PLA2G4F: variants seen among roughly 807,000 people sequenced by gnomAD.
PLA2G4F encodes phospholipase A2 group IVF.
In PLA2G4F, 105 loss-of-function variants were observed where a neutral mutation model predicts 103.1. The observed-to-expected ratio is 1.02, with a 90% CI of 0.87 to 1.20. The LOEUF is 1.20. PLA2G4F is among the 50% of genes most tolerant of loss of function. PLA2G4F has a pLI of 0.00. For missense variants in PLA2G4F, 1,155 were observed against 1,075.9 expected, an observed-to-expected ratio of 1.07 and a Z score of -1.03; for synonymous variants, 468 against 441.1, an observed-to-expected ratio of 1.06 and a Z score of -0.76.
chr15:42,155,640 C>G (rs1208618139), intron 1 of PLA2G4F, 51 bp from the exon 2 acceptor site: 2 of 1,564,802 alleles, frequency 1.3e-6, no homozygotes, highest in African/African-American at 2.7e-5. Context: ...AGCCTGGTCC[C>G]TCGCCCCATT....
At chr15:42,143,419 A>C (rs8028349) in intron 18 of PLA2G4F, among the ~76,000 whole-genome samples, 8,098 of 152,198 alleles carry the variant, frequency 0.053, 538 homozygotes, top group African/African-American at 0.15. Context: ...AAGAGGCTTC[A>C]TCAATCCCCA....
At chr15:42,151,434 A>T in intron 7 of PLA2G4F, 7 of 985,206 alleles carry the variant, frequency 7.1e-6, no homozygotes, top group Non-Finnish European at 8.4e-6. Context: ...CTTTCTGGGG[A>T]GGAGGCCAGA....
In PLA2G4F at chr15:42,144,463, G is replaced by C; in HGVS notation, c.1962C>G (p.Phe654Leu). 1 of 1,612,094 alleles carries C rather than the reference G, an allele frequency of 6.2e-7. No homozygotes were observed. The highest frequency in any genetic ancestry group is 8.5e-7 in the Non-Finnish European group (1 of 1,179,986). ...GGCAGCACCCACCTTTCCAGGCCAC[G>C]AACTCCCTGCCAGCCACATAGTCCT... ...LHKDYVAGRE[F>L]VAWKDTHPDA... is the part of the protein sequence containing the mutation. Residue 654 changes from phenylalanine (F) to leucine (L), a missense_variant, in exon 17 of 20, where the codon TTC becomes TTG. Coordinates refer to ENST00000397272, the MANE Select transcript of PLA2G4F (RefSeq NM_213600.4).
intron 4 of PLA2G4F, 121 bp downstream of exon 4, chr15:42,153,971 G>A (rs951501831): frequency 8.3e-6 from 12 of 1,452,980 alleles, no homozygotes; most frequent in African/African-American, 7.1e-5. Context: ...TCAGGGCTGC[G>A]GGGTGGAGGA....
chr15:42,153,212 C>T (rs929915576), intron 6 of PLA2G4F, 88 bp downstream of exon 6: 2 of 1,438,494 alleles, frequency 1.4e-6, no homozygotes, highest in African/African-American at 2.9e-5. Context: ...GGGTGTCCTT[C>T]AGAGGCAACT....
In PLA2G4F at chr15:42,154,335, T is replaced by C; in HGVS notation, c.308A>G (p.His103Arg). 1.2e-6 allele frequency: 2 copies of C among 1,609,272 alleles called. No individual in the cohort carries two copies. The highest frequency in any genetic ancestry group is 2.2e-5 in the East Asian group (1 of 44,740). The change falls in exon 3 of 20, where the codon CAT becomes CGT. Residue 103 changes from histidine (H) to arginine (R), a missense_variant. His to Arg is a conservative substitution (Grantham distance 29). Coordinates refer to ENST00000397272, the MANE Select transcript of PLA2G4F (RefSeq NM_213600.4). ...EWNETFHYQI[H>R]GAVKNVLELT... ...GCTGGCCCTCACCTTCACAGCACCA[T>C]GGATCTGGTAGTGGAAGGTCTCATT...
In PLA2G4F at chr15:42,147,730, A is replaced by AC; in HGVS notation, c.1091dup (p.Gly365TrpfsTer56). 1 of 1,612,012 alleles carries AC rather than the reference A, an allele frequency of 6.2e-7. No individual in the cohort carries two copies. Among genetic ancestry groups the AC allele is most frequent in the Non-Finnish European group, 8.5e-7 (1 of 1,179,430 alleles). On this transcript the variant is annotated frameshift_variant, in exon 12 of 20. Coordinates refer to ENST00000397272, the MANE Select transcript of PLA2G4F (RefSeq NM_213600.4). LOFTEE classifies it high-confidence loss of function. ...ACAGAGAAGACATGGCTCGGGTTCC[A>AC]CCCCCGGAACCCAACACAGCCACTA...
chr15:42,149,417 T>C, intron 11 of PLA2G4F: 1 of 885,938 alleles, frequency 1.1e-6, no homozygotes, highest in Non-Finnish European at 1.4e-6. Flanking sequence ...CCAACCCTGA[T>C]GATGACACCT....
Position 42,146,261 on chromosome 15 carries a change from G to A in PLA2G4F, c.1420-20C>T, listed in dbSNP as rs1379892603. On this transcript the variant is annotated intron_variant, in intron 13 of 19. Transcript: ENST00000397272. Reference sequence around the variant, plus strand: ...GTTCTCCTGGGCAGGAAAGAAGGGAGGCAGCTTGGCCTTTCAGGAGTTCCA... The same window carrying A: ...GTTCTCCTGGGCAGGAAAGAAGGGAAGCAGCTTGGCCTTTCAGGAGTTCCA... 5 of 1,610,038 alleles carry A rather than the reference G, an allele frequency of 3.1e-6. No individual in the cohort carries two copies. In the East Asian group the frequency reaches 1.1e-4, roughly 36 times the overall value.
In PLA2G4F at chr15:42,143,862, A is replaced by G. The variant is rs576451446; in HGVS notation, c.2142+116T>C. 1.6e-5 allele frequency: 21 copies of G among 1,343,954 alleles called. 1 individual carries two copies. The African/African-American group carries it at 2.6e-4, about 17-fold the overall frequency. 83.3% of individuals were successfully genotyped at this position (1,343,954 alleles called of 1,614,324 possible). A position where few individuals can be genotyped will look rare whatever the true frequency, so the allele number is the denominator to read the frequency against. On this transcript the variant is annotated intron_variant, in intron 18 of 19. Coordinates refer to ENST00000397272, the MANE Select transcript of PLA2G4F (RefSeq NM_213600.4). ...GAACCCAGGCCGTCCACAAAGGGCAATCCCCACACACCCAGCCAGTCCCCC... is the reference window on the plus strand; with the variant it reads ...GAACCCAGGCCGTCCACAAAGGGCAGTCCCCACACACCCAGCCAGTCCCCC...
At position 42,154,086 on chromosome 15, in the gene PLA2G4F, G is replaced by GCTCACCTGGTGGT; in HGVS notation, c.443_450+5dup. 6.2e-7 allele frequency: 1 copy of GCTCACCTGGTGGT among 1,614,162 alleles called. No homozygotes were observed. Among genetic ancestry groups the GCTCACCTGGTGGT allele is most frequent in the South Asian group, 1.1e-5 (1 of 91,068 alleles). ...CTGGGCTCTCCGCCAGCACTGGTGG[G>GCTCACCTGGTGGT]CTCACCTGGTGGTTGAGTGGGAAGG... is the stretch of plus-strand genomic sequence containing the variant. On this transcript the variant is annotated splice_donor_region_variant and intron_variant, in intron 4 of 19. Transcript: ENST00000397272.
At chr15:42,155,357 C>T (rs557173215) in intron 2 of PLA2G4F, among the ~76,000 whole-genome samples, 160 bp downstream of exon 2, 15 of 152,282 alleles carry the variant, frequency 9.9e-5, no homozygotes, top group Admixed American at 7.8e-4. Context: ...TGCACAGATG[C>T]CTACACGTAT....
At chr15:42,147,967 G>A in intron 11 of PLA2G4F, 1 of 318,168 alleles carries the variant, frequency 3.1e-6, no homozygotes, top group Non-Finnish European at 4.5e-6. Context: ...GAGGCGGGCG[G>A]ATCATGAGGT....
Position 42,147,123 on chromosome 15 carries a change from C to A in PLA2G4F, c.1419+1G>T. ...GTATTTCCTTCTGGCTCTTCTCTCA[C>A]CTCCTGGTACAGGAGATACTCAACA... On this transcript the variant is annotated splice_donor_variant, in intron 13 of 19. Transcript: ENST00000397272. LOFTEE classifies it high-confidence loss of function. 6.2e-7 allele frequency: 1 copy of A among 1,610,948 alleles called. No individual in the cohort carries two copies. Among genetic ancestry groups the A allele is most frequent in the South Asian group, 1.1e-5 (1 of 91,030 alleles).
At chr15:42,148,573 G>C in intron 11 of PLA2G4F, 1 of 953,274 alleles carries the variant, frequency 1.0e-6, no homozygotes, top group Non-Finnish European at 1.2e-6. Flanking sequence ...ACACATGGAT[G>C]AATGTCCCCA....
intron 19 of PLA2G4F, 120 bp from the exon 20 acceptor site, chr15:42,142,324 GC>G: frequency 8.5e-7 from 1 of 1,169,916 alleles, no homozygotes; most frequent in Non-Finnish European, 1.2e-6. Context: ...CCCTGCTTGG[GC>G]CACATCTCAG....
Position 42,141,427 on chromosome 15 carries a change from G to C in PLA2G4F, c.*557C>G. ...ACGAGGAGACCAGAAGGCAGAAGGA[G>C]GGTTAGGATGATGGAGTCAGCAACA... On this transcript the variant is annotated 3_prime_UTR_variant, in exon 20 of 20. Coordinates refer to ENST00000397272, the MANE Select transcript of PLA2G4F (RefSeq NM_213600.4). 2.2e-6 allele frequency: 1 copy of C among 451,950 alleles called. No homozygotes were observed. The allele number at this position is 451,950 out of a possible 1,614,324, so 28.0% of individuals were successfully genotyped here.
At chr15:42,148,566 C>T in intron 11 of PLA2G4F, 1 of 946,228 alleles carries the variant, frequency 1.1e-6, no homozygotes, top group Non-Finnish European at 1.3e-6. Flanking sequence ...GATCTCTACA[C>T]ATGGATGAAT....
chr15:42,144,540 G>C lies in PLA2G4F; in HGVS notation c.1885C>G (p.Arg629Gly), dbSNP rs765058508. ...SQAVLDIFTS[R>G]FTSAQSFNFT... ...TTAAAGCTCTGGGCGGAAGTGAAGC[G>C]GGAGGTGAATATGTCCAGCACAGCC... Residue 629 changes from arginine (R) to glycine (G), a missense_variant, in exon 17 of 20, where the codon CGC (arginine) becomes GGC (glycine). Physicochemically the swap from Arg to Gly is moderately radical, Grantham distance 125. Coordinates refer to ENST00000397272, the MANE Select transcript of PLA2G4F (RefSeq NM_213600.4). The C allele has an allele frequency of 3.7e-6, 6 of 1,612,770 alleles. No homozygotes were observed. Among genetic ancestry groups the C allele is most frequent in the Non-Finnish European group, 5.1e-6 (6 of 1,180,026 alleles).
Sources: gnomAD v4.1 joint callset for allele counts (sites outside exome capture counted in the v4.1 genomes callset) on GRCh38, gnomAD v4.1.1 for gene constraint, MANE v1.5 for transcripts, NCBI Gene and HGNC (gene_info 2026-07-23, HGNC 2026-07-21) for gene names.